Variants in SGIP1 observed in about 807,000 individuals in gnomAD.
The protein encoded by SGIP1 is SH3GL interacting endocytic adaptor 1.
A neutral mutation model predicts 107.5 loss-of-function variants in SGIP1; 38 were observed. That is an observed-to-expected ratio of 0.35 (90% CI 0.27 to 0.46). The LOEUF (loss-of-function observed/expected upper bound fraction) is 0.46. Among genes scored for constraint, SGIP1 ranks in the 20% least tolerant of loss-of-function variants. SGIP1 has a pLI of 1.00. For missense variants in SGIP1, 929 were observed against 1,019.5 expected, an observed-to-expected ratio of 0.91 and a Z score of 1.21; for synonymous variants, 365 against 366.1, an observed-to-expected ratio of 1.00 and a Z score of 0.03.
chr1:66,734,505 G>GTTT (rs1324641803), intron 21 of SGIP1, among the ~76,000 whole-genome samples: 10 of 131,776 alleles, frequency 7.6e-5, no homozygotes, highest in Admixed American at 1.5e-4. Context: ...GATTTTTTTG[G>GTTT]TTTTTTTTTT....
At position 66,630,221 on chromosome 1, in the gene SGIP1, A is replaced by G. The variant is rs975755808; in HGVS notation, c.75-2849A>G. On this transcript the variant is annotated intron_variant, in intron 2 of 24. Transcript: ENST00000371037. The stretch of plus-strand genomic sequence containing the variant: ...GTGGAAGACCATCCCAACGGCTGCA[A>G]TAAGCATGAGGTCAAATGCCTCCCA... Among the ~76,000 whole-genome samples the G allele has an allele frequency of 6.6e-5, 10 of 152,172 alleles. No homozygotes were observed. The East Asian group carries it at 1.9e-3, about 29-fold the overall frequency.
At position 66,631,100 on chromosome 1, in the gene SGIP1, A is replaced by AAAGAAAGAAAG. The variant is rs149222467; in HGVS notation, c.75-1968_75-1967insGAAAGAAAGAA. Among the ~76,000 whole-genome samples the AAAGAAAGAAAG allele has an allele frequency of 4.3e-3, 570 of 131,246 alleles. 6 individuals carry two copies. Among genetic ancestry groups the AAAGAAAGAAAG allele is most frequent in the East Asian group, 0.012 (39 of 3,242 alleles). The allele number at this position is 131,246 out of a possible 152,430, so 86.1% of individuals were successfully genotyped here. ...GAAAGAAAGAAAGAAAGAAAGAAAG[A>AAAGAAAGAAAG]AAAAAAGAAAGACTGACTCAGTATA... On this transcript the variant is annotated intron_variant, in intron 2 of 24. Transcript: ENST00000371037.
chr1:66,687,864 G>A (rs1032852839), intron 15 of SGIP1, among the ~76,000 whole-genome samples: 3 of 152,188 alleles, frequency 2.0e-5, no homozygotes, highest in Non-Finnish European at 2.9e-5. Flanking sequence ...GGTTTCACAC[G>A]AATGTGATTA....
At chr1:66,612,668 T>C (rs1276937629) in intron 1 of SGIP1, among the ~76,000 whole-genome samples, 1 of 152,230 alleles carries the variant, frequency 6.6e-6, no homozygotes, top group Non-Finnish European at 1.5e-5. Context: ...GAAGAAGGCA[T>C]AGAATGTGAA....
chr1:66,734,196 T>C (rs1351085594), intron 21 of SGIP1, among the ~76,000 whole-genome samples: 1 of 152,184 alleles, frequency 6.6e-6, no homozygotes, highest in Non-Finnish European at 1.5e-5. Flanking sequence ...AAGATGATTA[T>C]AATTTTGTTA....
chr1:66,566,200 C>T (rs1185035956), intron 1 of SGIP1, among the ~76,000 whole-genome samples: 2 of 151,928 alleles, frequency 1.3e-5, no homozygotes, highest in Non-Finnish European at 2.9e-5. Flanking sequence ...GGTAAACAAC[C>T]CACCTCAACA....
intron 20 of SGIP1, 78 bp from the exon 21 acceptor site, chr1:66,733,670 A>G: frequency 6.6e-7 from 1 of 1,511,828 alleles, no homozygotes; most frequent in Non-Finnish European, 8.9e-7. Context: ...ATCAGACGAC[A>G]ATTTGCTAAG....
chr1:66,622,480 T>G (rs1353813469), intron 1 of SGIP1, among the ~76,000 whole-genome samples: 2 of 152,242 alleles, frequency 1.3e-5, no homozygotes, highest in Non-Finnish European at 2.9e-5. Context: ...GGTAAGACAT[T>G]GATGATATTT....
intron 9 of SGIP1, among the ~76,000 whole-genome samples, chr1:66,669,323 T>A (rs531185302): frequency 1.3e-5 from 2 of 152,318 alleles, no homozygotes; most frequent in South Asian, 4.1e-4. Context: ...CTTGGTTTCA[T>A]GGATATTAAC....
intron 24 of SGIP1, among the ~76,000 whole-genome samples, chr1:66,742,227 A>G (rs2094469412): frequency 6.6e-6 from 1 of 152,050 alleles, no homozygotes; most frequent in Admixed American, 6.5e-5. Flanking sequence ...GGTCACCCAT[A>G]AGCTGAATGT....
At position 66,545,794 on chromosome 1, in the gene SGIP1, C is replaced by A. The variant is rs941843422; in HGVS notation, c.10+11426C>A. On this transcript the variant is annotated intron_variant, in intron 1 of 24. Coordinates refer to ENST00000371037, the MANE Select transcript of SGIP1 (RefSeq NM_032291.4). ...CTGGCAGGCCAGTAACTCAGGCAGG[C>A]GTTGATGGTGAAGTCTTAAGATAAA... Among the ~76,000 whole-genome samples the A allele has an allele frequency of 5.3e-5, 8 of 152,140 alleles. No homozygotes were observed. The East Asian group carries it at 1.5e-3, about 29-fold the overall frequency.
At chr1:66,719,564 A>G (rs2093420528) in intron 19 of SGIP1, among the ~76,000 whole-genome samples, 159 bp downstream of exon 19, 1 of 152,224 alleles carries the variant, frequency 6.6e-6, no homozygotes, top group Non-Finnish European at 1.5e-5. Context: ...AAATGTCATT[A>G]GGAATATTGA....
rs979762606 is a variant in SGIP1, at chr1:66,677,027, T to C, written c.670T>C (p.Trp224Arg). ...TEVLLDQPEI[W>R]GSGQPINPSM... The stretch of plus-strand genomic sequence containing the variant: ...AGTTCTTTTAGATCAGCCTGAGATA[T>C]GGGGTTCAGGCCAACCAATTAATCC... The change falls in exon 13 of 25, where the codon TGG (tryptophan) becomes CGG (arginine). Residue 224 changes from tryptophan to arginine, a missense_variant. By Grantham distance (101) the Trp-to-Arg change is moderately radical (BLOSUM62 -3). This residue lies in a region of SGIP1 where 588 missense variants were observed against 588.6 expected (regional missense o/e 1.00). Transcript: ENST00000371037. The C allele has an allele frequency of 6.2e-7, 1 of 1,613,708 alleles. No individual in the cohort carries two copies.
At chr1:66,538,158 C>T (rs1277145887) in intron 1 of SGIP1, among the ~76,000 whole-genome samples, 1 of 152,066 alleles carries the variant, frequency 6.6e-6, no homozygotes, top group Non-Finnish European at 1.5e-5. Flanking sequence ...TCTTCTTTTC[C>T]TATCTAGAAA....
At chr1:66,706,551 C>T (rs1404690382) in intron 18 of SGIP1, among the ~76,000 whole-genome samples, 1 of 148,284 alleles carries the variant, frequency 6.7e-6, no homozygotes, top group Non-Finnish European at 1.5e-5. Flanking sequence ...GTAAAGATGA[C>T]AAAAGAAAAA....
chr1:66,686,280 A>G (rs991002326), intron 15 of SGIP1, among the ~76,000 whole-genome samples: 4 of 152,182 alleles, frequency 2.6e-5, no homozygotes, highest in African/African-American at 9.7e-5. Context: ...GAAGCGGTAG[A>G]CACATGGTCT....
intron 15 of SGIP1, among the ~76,000 whole-genome samples, chr1:66,685,744 C>T (rs2088049014): frequency 6.6e-6 from 1 of 152,138 alleles, no homozygotes; most frequent in South Asian, 2.1e-4. Flanking sequence ...AGTTGCTTAA[C>T]ATTAATATAA....
intron 20 of SGIP1, among the ~76,000 whole-genome samples, chr1:66,733,340 T>C (rs917556515): frequency 1.3e-5 from 2 of 152,220 alleles, no homozygotes; most frequent in Non-Finnish European, 2.9e-5. Flanking sequence ...GAGAAACTAC[T>C]GGTCAAAGTA....
chr1:66,610,715 AT>A (rs34048147), intron 1 of SGIP1, among the ~76,000 whole-genome samples: 22,933 of 150,786 alleles, frequency 0.15, 1,764 homozygotes, highest in Admixed American at 0.18. Context: ...CATAGTATAG[AT>A]TTTTTTTTTT....
Sources: allele counts gnomAD v4.1 joint callset (sites outside exome capture counted in the v4.1 genomes callset), GRCh38; gene constraint gnomAD v4.1.1; regional missense constraint gnomAD v4.1.1; transcripts MANE v1.5; gene names NCBI Gene and HGNC (gene_info 2026-07-23, HGNC 2026-07-21).